IFT43: variants seen among roughly 807,000 people sequenced by gnomAD.
IFT43 encodes intraflagellar transport protein 43 homolog.
IFT43 carries 33 observed loss-of-function variants against 32.3 expected under a neutral mutation model. The observed-to-expected ratio is 1.02, with a 90% CI of 0.77 to 1.37. The LOEUF is 1.37. Among genes scored for constraint, IFT43 ranks in the 40% most tolerant of loss-of-function variants. IFT43 has a pLI of 0.00. For synonymous variants in IFT43, 93 were observed against 98.2 expected (o/e 0.95, Z 0.31); for missense variants, 274 against 265.9 (o/e 1.03, Z -0.21).
intron 3 of IFT43, among the ~76,000 whole-genome samples, chr14:76,037,104 G>A (rs1284216977): frequency 1.3e-5 from 2 of 152,204 alleles, no homozygotes; most frequent in Admixed American, 6.5e-5. Context: ...TCTGGATGTG[G>A]TCTGTTGCTT....
At chr14:76,007,565 A>G (rs2036003176) in intron 2 of IFT43, among the ~76,000 whole-genome samples, 1 of 152,182 alleles carries the variant, frequency 6.6e-6, no homozygotes, top group Non-Finnish European at 1.5e-5. Context: ...GTGCTTATAC[A>G]AAGTCACTAA....
intron 2 of IFT43, among the ~76,000 whole-genome samples, chr14:76,021,917 T>C (rs2036298236): frequency 6.6e-6 from 1 of 152,184 alleles, no homozygotes; most frequent in Non-Finnish European, 1.5e-5. Context: ...TGAATATTGA[T>C]TGGTGTAGGT....
chr14:76,072,120 C>T (rs1483690042), intron 5 of IFT43, among the ~76,000 whole-genome samples: 1 of 152,208 alleles, frequency 6.6e-6, no homozygotes, highest in Non-Finnish European at 1.5e-5. Flanking sequence ...CTTTATAGCT[C>T]TTGTGACATG....
intron 3 of IFT43, among the ~76,000 whole-genome samples, chr14:76,029,988 C>A (rs2036478636): frequency 6.6e-6 from 1 of 151,570 alleles, no homozygotes; most frequent in Admixed American, 6.6e-5. Context: ...TCAAGTGATT[C>A]TCCTGCTTCA....
chr14:76,073,853 G>A (rs763234519), intron 5 of IFT43, among the ~76,000 whole-genome samples: 5 of 152,016 alleles, frequency 3.3e-5, no homozygotes, highest in Admixed American at 6.6e-5. Flanking sequence ...CTCAGGACCC[G>A]TTCTCCCCCT....
In IFT43 at chr14:75,991,388, A is replaced by AGTGTGT. The variant is rs34624480; in HGVS notation, c.147+2444_147+2449dup. Among the ~76,000 whole-genome samples, 795 of 141,988 alleles carry AGTGTGT rather than the reference A, an allele frequency of 5.6e-3. 9 individuals are homozygous for AGTGTGT. The highest frequency in any genetic ancestry group is 0.016 in the East Asian group (80 of 4,894). 93.1% of individuals were successfully genotyped at this position (141,988 alleles called of 152,430 possible). A position where few individuals can be genotyped will look rare whatever the true frequency, so the allele number is the denominator to read the frequency against. On this transcript the variant is annotated intron_variant, in intron 2 of 8. Transcript: ENST00000314067. ...ATATATATATATAAATATTAACAAG[A>AGTGTGT]GTGTGTGTGTGTGTGTGTGTGTGTG...
chr14:76,074,748 C>T (rs1433325798), intron 5 of IFT43, among the ~76,000 whole-genome samples: 1 of 152,222 alleles, frequency 6.6e-6, no homozygotes, highest in African/African-American at 2.4e-5. Flanking sequence ...AGCATTCATA[C>T]ACCATAGTGT....
chr14:75,986,072 C>T, intron 1 of IFT43: 2 of 1,489,140 alleles, frequency 1.3e-6, no homozygotes, highest in Non-Finnish European at 1.8e-6. Flanking sequence ...AACACCCTGT[C>T]CCCGCCGGCG....
chr14:76,065,872 G>C (rs71431115), intron 5 of IFT43, among the ~76,000 whole-genome samples: 2 of 152,190 alleles, frequency 1.3e-5, no homozygotes, highest in African/African-American at 4.8e-5. Context: ...CTTCCACCTC[G>C]GTTTCCCGAA....
At chr14:76,036,385 G>T (rs900266638) in intron 3 of IFT43, among the ~76,000 whole-genome samples, 5 of 124,914 alleles carry the variant, frequency 4.0e-5, no homozygotes, top group African/African-American at 8.9e-5. Context: ...TTGTTCTTTT[G>T]TTCTTTCGTT....
chr14:75,985,998 C>T (rs570801549), intron 1 of IFT43, 158 bp downstream of exon 1: 1 of 1,526,870 alleles, frequency 6.5e-7, no homozygotes, highest in African/African-American at 1.4e-5. Context: ...CGCCCCCAGG[C>T]CACTGTGGGC....
intron 3 of IFT43, among the ~76,000 whole-genome samples, chr14:76,041,998 A>AT (rs1379193873): frequency 6.6e-6 from 1 of 152,052 alleles, no homozygotes; most frequent in Non-Finnish European, 1.5e-5. Flanking sequence ...ACTTTAGGAA[A>AT]TTTGCACCTT....
chr14:76,080,684 C>T (rs1227155703), intron 5 of IFT43, among the ~76,000 whole-genome samples: 3 of 152,208 alleles, frequency 2.0e-5, no homozygotes, highest in African/African-American at 4.8e-5. Flanking sequence ...CTCCATAGGG[C>T]CTGTGCAGTC....
intron 5 of IFT43, among the ~76,000 whole-genome samples, chr14:76,076,233 C>T (rs1358604039): frequency 1.3e-5 from 2 of 152,144 alleles, no homozygotes; most frequent in South Asian, 2.1e-4. Context: ...CATTAAGCAC[C>T]CTGAGGAAGC....
intron 2 of IFT43, among the ~76,000 whole-genome samples, chr14:75,997,463 A>G (rs768328416): frequency 5.3e-5 from 8 of 152,250 alleles, no homozygotes; most frequent in Admixed American, 6.5e-5. Context: ...CAGTGCAACC[A>G]CTGTACCTTC....
chr14:76,052,275 C>T (rs569099073), intron 3 of IFT43, among the ~76,000 whole-genome samples: 1 of 152,324 alleles, frequency 6.6e-6, no homozygotes, highest in African/African-American at 2.4e-5. Context: ...ATTTAGATCT[C>T]TGCAGTATTC....
chr14:75,999,256 TATATATATATATA>T (rs2035822288), intron 2 of IFT43, among the ~76,000 whole-genome samples: 1 of 12,144 alleles, frequency 8.2e-5, no homozygotes, highest in African/African-American at 3.1e-4. Flanking sequence ...TATATATATA[TATATATATATATA>T]TATGTATATA....
At chr14:76,040,527 G>A (rs1344418390) in intron 3 of IFT43, among the ~76,000 whole-genome samples, 2 of 152,152 alleles carry the variant, frequency 1.3e-5, no homozygotes, top group African/African-American at 4.8e-5. Flanking sequence ...TTCTACTTGG[G>A]TTGATATAGT....
rs537155322 is a variant in IFT43 at position 76,014,851 on chromosome 14, G to A, written c.148-7476G>A. On this transcript the variant is annotated intron_variant, in intron 2 of 8. Coordinates refer to ENST00000314067, the MANE Select transcript of IFT43 (RefSeq NM_001102564.3). Reference sequence around the variant, plus strand: ...TGAGGGATTCTTCAGCTTCACCTTTGGACCCTGGATGCAGCCTCTTCCTGG... The same window carrying A: ...TGAGGGATTCTTCAGCTTCACCTTTAGACCCTGGATGCAGCCTCTTCCTGG... Among the ~76,000 whole-genome samples, 8 of 152,090 alleles carry A rather than the reference G, an allele frequency of 5.3e-5. No individual in the cohort carries two copies. The South Asian group carries it at 1.7e-3, about 32-fold the overall frequency.
Sources: allele counts gnomAD v4.1 joint callset (sites outside exome capture counted in the v4.1 genomes callset), GRCh38; gene constraint gnomAD v4.1.1; transcripts MANE v1.5; gene names NCBI Gene and HGNC (gene_info 2026-07-23, HGNC 2026-07-21).